The following ICE1 variants were observed in gnomAD, a reference collection of about 807,000 sequenced individuals.
ICE1 encodes the protein little elongation complex subunit 1.
Under a neutral mutation model 192.7 loss-of-function variants are expected in ICE1, and 64 were observed. That is an observed-to-expected ratio of 0.33 (90% confidence interval 0.27 to 0.41). The LOEUF is 0.41. Ranked by LOEUF, ICE1 falls within the 10% of genes least tolerant of loss-of-function variation. The probability of loss-of-function intolerance (pLI) is 1.00; values close to 1 mark genes in which losing one functional copy is unlikely to be tolerated. For synonymous variants in ICE1, 1,010 were observed against 984.5 expected (o/e 1.03, Z -0.49); for missense variants, 2,708 against 2,696.0 (o/e 1.00, Z -0.10).
At position 5,476,095 on chromosome 5, in the gene ICE1, T is replaced by C. The variant is rs1739297027; in HGVS notation, c.6520+16T>C. The C allele has an allele frequency of 2.7e-6, 4 of 1,455,270 alleles. No individual in the cohort carries two copies. Among genetic ancestry groups the C allele is most frequent in the African/African-American group, 1.4e-5 (1 of 69,292 alleles). The allele number at this position is 1,455,270 out of a possible 1,614,324, so 90.1% of individuals were successfully genotyped here. On this transcript the variant is annotated intron_variant, in intron 17 of 18. Transcript: ENST00000296564. The stretch of plus-strand genomic sequence containing the variant: ...AGGCTGATTGGTAAGTTGTCTGTTT[T>C]ATTATTGTTTTTTTCTTGTTATTGA...
chr5:5,461,568 A>G lies in ICE1; in HGVS notation c.2234A>G (p.Lys745Arg). 1 of 1,613,198 alleles carries G rather than the reference A, an allele frequency of 6.2e-7. No individual in the cohort carries two copies. Among genetic ancestry groups the G allele is most frequent in the Non-Finnish European group, 8.5e-7 (1 of 1,179,510 alleles). Reference protein sequence around the residue: ...IHSLPRSVFMKATKDGQCESQ... With the variant: ...IHSLPRSVFMRATKDGQCESQ... ...TCACTTCCTCGGTCAGTATTTATGA[A>G]AGCTACAAAAGATGGGCAATGTGAA... The change falls in exon 13 of 19, where the codon AAA becomes AGA. Residue 745 changes from lysine to arginine, a missense_variant. By Grantham distance (26) the Lys-to-Arg change is conservative (BLOSUM62 2). Coordinates refer to ENST00000296564, the MANE Select transcript of ICE1 (RefSeq NM_015325.3).
At chr5:5,443,389 A>G in intron 6 of ICE1, 145 bp downstream of exon 6, 2 of 524,090 alleles carry the variant, frequency 3.8e-6, no homozygotes, top group Non-Finnish European at 6.6e-6. Flanking sequence ...TAGTCTCTCA[A>G]CCTTGGTTTC....
At chr5:5,433,761 G>A (rs1249888452) in intron 1 of ICE1, among the ~76,000 whole-genome samples, 2 of 152,046 alleles carry the variant, frequency 1.3e-5, no homozygotes, top group East Asian at 1.9e-4. Context: ...TTGTGGGACA[G>A]GTCATGATTT....
chr5:5,466,516 G>T lies in ICE1; in HGVS notation c.6061+14G>T. The stretch of plus-strand genomic sequence containing the variant: ...TACTTAAAGAAGGTATGCTTAGATT[G>T]TGACAATTTTGTATTGAAAATATAC... On this transcript the variant is annotated intron_variant, in intron 14 of 18. Coordinates refer to ENST00000296564, the MANE Select transcript of ICE1 (RefSeq NM_015325.3). 6.3e-7 allele frequency: 1 copy of T among 1,590,546 alleles called. No individual in the cohort carries two copies. Among genetic ancestry groups the T allele is most frequent in the Admixed American group, 1.8e-5 (1 of 54,614 alleles).
chr5:5,464,672 C>CCTG lies in ICE1; in HGVS notation c.5342_5344dup (p.Ala1781dup). 1 of 1,613,896 alleles carries CCTG rather than the reference C, an allele frequency of 6.2e-7. No homozygotes were observed. The highest frequency in any genetic ancestry group is 2.2e-5 in the East Asian group (1 of 44,862). On this transcript the variant is annotated inframe_insertion, in exon 13 of 19. Coordinates refer to ENST00000296564, the MANE Select transcript of ICE1 (RefSeq NM_015325.3). This position sits in a 1 kb window ranked among gnomAD's most constrained non-coding sequence, Gnocchi z 4.0. ...GAATATTCAACTCACACGAGGTCCG[C>CCTG]CTGCTGACTGTAAGAATTTACCGGG...
At chr5:5,451,185 A>C (rs1738403947) in intron 10 of ICE1, among the ~76,000 whole-genome samples, 1 of 152,216 alleles carries the variant, frequency 6.6e-6, no homozygotes, top group South Asian at 2.1e-4. Context: ...TTGGTAACAG[A>C]GAAAATAAGA....
chr5:5,477,803 C>T (rs1341960647), intron 17 of ICE1, among the ~76,000 whole-genome samples: 1 of 152,186 alleles, frequency 6.6e-6, no homozygotes, highest in African/African-American at 2.4e-5. Flanking sequence ...TCAGCTTCAA[C>T]CCTGGGATGC....
Position 5,462,412 on chromosome 5 carries a change from A to G in ICE1, c.3078A>G (p.Arg1026=). The G allele has an allele frequency of 6.2e-7, 1 of 1,613,978 alleles. No individual in the cohort carries two copies. Among genetic ancestry groups the G allele is most frequent in the East Asian group, 2.2e-5 (1 of 44,882 alleles). ...VEETSCGDTG[R]SGGEALAVAN... is the part of the protein sequence containing the mutation. ...AAACCAGCTGTGGAGACACAGGGAG[A>G]TCTGGTGGTGAGGCCCTGGCTGTTG... The change falls in exon 13 of 19, where the codon AGA becomes AGG. Residue 1026 remains arginine (R), a synonymous_variant. Transcript: ENST00000296564.
At position 5,464,487 on chromosome 5, in the gene ICE1, C is replaced by T. The variant is rs1298907279; in HGVS notation, c.5153C>T (p.Ala1718Val). ...GTGCCGTCTCCTCTGCAGTTCTGTG[C>T]GGCCACGCCGAAGCACGCACTTCCT... Reference protein sequence around the residue: ...RVVPSPLQFCAATPKHALPVP... With the variant: ...RVVPSPLQFCVATPKHALPVP... The change falls in exon 13 of 19, where the codon GCG (alanine) becomes GTG (valine). Residue 1718 changes from alanine to valine, a missense_variant. Around this residue, in one of 2 missense-constraint regions of ICE1, gnomAD observed 2,366 missense variants for 2,276.6 expected, o/e 1.04. Transcript: ENST00000296564. This position sits in a 1 kb window ranked among gnomAD's most constrained non-coding sequence, Gnocchi z 4.0. The T allele has an allele frequency of 6.2e-6, 10 of 1,613,788 alleles. No homozygotes were observed. The highest frequency in any genetic ancestry group is 7.6e-6 in the Non-Finnish European group (9 of 1,179,888).
intron 11 of ICE1, 24 bp from the exon 12 acceptor site, chr5:5,457,308 A>G: frequency 6.4e-7 from 1 of 1,561,588 alleles, no homozygotes. Flanking sequence ...AATACCTGAT[A>G]CCTACTTTTG....
intron 3 of ICE1, among the ~76,000 whole-genome samples, chr5:5,438,006 C>T (rs4701700): frequency 0.044 from 6,722 of 152,202 alleles, 564 homozygotes; most frequent in East Asian, 0.32. Context: ...TTGATTCTCA[C>T]GCTGCTATAA....
chr5:5,430,944 G>A (rs1737689189), intron 1 of ICE1, among the ~76,000 whole-genome samples: 1 of 152,150 alleles, frequency 6.6e-6, no homozygotes, highest in Non-Finnish European at 1.5e-5. Flanking sequence ...TTTATATGGT[G>A]CATCTTATTT....
intron 17 of ICE1, among the ~76,000 whole-genome samples, chr5:5,483,035 AGCTGGAGT>A (rs1419904354): frequency 6.6e-6 from 1 of 152,068 alleles, no homozygotes; most frequent in Non-Finnish European, 1.5e-5. Context: ...TTGTTGCCCA[AGCTGGAGT>A]GCAATGGCGT....
Position 5,463,521 on chromosome 5 carries a change from G to A in ICE1, c.4187G>A (p.Cys1396Tyr). 8 of 1,613,676 alleles carry A rather than the reference G, an allele frequency of 5.0e-6. No individual in the cohort carries two copies. The highest frequency in any genetic ancestry group is 6.8e-6 in the Non-Finnish European group (8 of 1,179,742). ...SNCEAETTFQ[C>Y]QIATVTSEVI... ...TGCGAGGCCGAAACAACATTTCAGT[G>A]TCAGATAGCAACAGTGACCTCAGAA... The change falls in exon 13 of 19, where the codon TGT becomes TAT. Residue 1396 changes from cysteine (C) to tyrosine (Y), a missense_variant. Around this residue, in one of 2 missense-constraint regions of ICE1, gnomAD observed 2,366 missense variants for 2,276.6 expected, o/e 1.04. Coordinates refer to ENST00000296564, the MANE Select transcript of ICE1 (RefSeq NM_015325.3).
At chr5:5,429,302 GCCATTTT>G (rs1561071343) in intron 1 of ICE1, among the ~76,000 whole-genome samples, 1 of 152,168 alleles carries the variant, frequency 6.6e-6, no homozygotes, top group African/African-American at 2.4e-5. Context: ...TACATGATGA[GCCATTTT>G]CATCAGTTTG....
chr5:5,462,066 C>G lies in ICE1; in HGVS notation c.2732C>G (p.Thr911Arg). The stretch of plus-strand genomic sequence containing the variant: ...AAATGTGATGGGGAAAGAGATGATA[C>G]AACACAAAACATCACGGAGGTGGCT... The part of the protein sequence containing the change: ...VAKCDGERDD[T>R]TQNITEVAAV... Residue 911 changes from threonine to arginine, a missense_variant, in exon 13 of 19, where the codon ACA (threonine) becomes AGA (arginine). Thr to Arg is a moderately conservative substitution (Grantham distance 71). Coordinates refer to ENST00000296564, the MANE Select transcript of ICE1 (RefSeq NM_015325.3). The G allele has an allele frequency of 6.2e-7, 1 of 1,613,906 alleles. No individual in the cohort carries two copies. The highest frequency in any genetic ancestry group is 8.5e-7 in the Non-Finnish European group (1 of 1,179,878).
At chr5:5,472,884 G>A (rs915309648) in intron 15 of ICE1, among the ~76,000 whole-genome samples, 2 of 152,180 alleles carry the variant, frequency 1.3e-5, no homozygotes, top group East Asian at 3.8e-4. Flanking sequence ...TTAGCCAGAG[G>A]CCCAGGAGTT....
chr5:5,427,929 G>A (rs1228381626), intron 1 of ICE1, among the ~76,000 whole-genome samples: 1 of 152,110 alleles, frequency 6.6e-6, no homozygotes, highest in Non-Finnish European at 1.5e-5. Flanking sequence ...ATGTAGGAGG[G>A]ACAGTTATAT....
chr5:5,454,522 G>C, intron 10 of ICE1, 30 bp from the exon 11 acceptor site: 9 of 1,549,028 alleles, frequency 5.8e-6, no homozygotes, highest in Non-Finnish European at 8.0e-6. Flanking sequence ...GCCAAATGAC[G>C]TGACTTTAAT....
Sources: gnomAD v4.1 joint callset for allele counts (sites outside exome capture counted in the v4.1 genomes callset) on GRCh38, gnomAD v4.1.1 for gene constraint, gnomAD v4.1.1 regional missense constraint, Gnocchi (gnomAD v3.1) non-coding constraint, MANE v1.5 for transcripts, NCBI Gene and HGNC (gene_info 2026-07-23, HGNC 2026-07-21) for gene names.